Variants in RAD54L2 observed in about 807,000 individuals in gnomAD.
The protein encoded by RAD54L2 is RAD54 like 2, also known as helicase ARIP4.
RAD54L2 carries 27 observed loss-of-function variants against 138.4 expected under a neutral mutation model. That is an observed-to-expected ratio of 0.20 (90% CI 0.14 to 0.27). The LOEUF (loss-of-function observed/expected upper bound fraction) is 0.27. Among genes scored for constraint, RAD54L2 ranks in the 10% least tolerant of loss-of-function variants. The pLI, the probability that RAD54L2 is intolerant of heterozygous loss-of-function variation, is 1.00. For synonymous variants in RAD54L2, 644 were observed against 723.2 expected, an observed-to-expected ratio of 0.89 and a Z score of 1.76; for missense variants, 1,396 against 1,890.2, an observed-to-expected ratio of 0.74 and a Z score of 4.85.
intron 2 of RAD54L2, among the ~76,000 whole-genome samples, chr3:51,590,068 G>A (rs1699807527): frequency 6.6e-6 from 1 of 152,126 alleles, no homozygotes; most frequent in Non-Finnish European, 1.5e-5. Context: ...TTGGCTCACT[G>A]CAACCTCTGC....
chr3:51,643,880 G>C lies in RAD54L2; in HGVS notation c.2356G>C (p.Asp786His). 1 of 1,604,172 alleles carries C rather than the reference G, an allele frequency of 6.2e-7. No individual in the cohort carries two copies. Among genetic ancestry groups the C allele is most frequent in the East Asian group, 2.2e-5 (1 of 44,656 alleles). ...WVRNISYFRL[D>H]GSTPAFERER... ...TGGTTTTCCTTCCTTCCTAGGGCTAGATGGTAGCACCCCTGCCTTTGAGAG... is the reference window on the plus strand; with the variant it reads ...TGGTTTTCCTTCCTTCCTAGGGCTACATGGTAGCACCCCTGCCTTTGAGAG... The change falls in exon 16 of 23, where the codon GAT (aspartate) becomes CAT (histidine). Residue 786 changes from aspartate (D) to histidine (H), a missense_variant. Asp to His is a moderately conservative substitution (Grantham distance 81). Coordinates refer to ENST00000684192, the MANE Select transcript of RAD54L2 (RefSeq NM_015106.4).
chr3:51,663,046 A>G lies in RAD54L2; in HGVS notation c.4030A>G (p.Thr1344Ala), dbSNP rs1180504259. ...TGCCCGCCTGGTGTTTCCAGTGACTACTGACCCTCTGGTGCCAGCAGGCCC... is the reference window on the plus strand; with the variant it reads ...TGCCCGCCTGGTGTTTCCAGTGACTGCTGACCCTCTGGTGCCAGCAGGCCC... The part of the protein sequence containing the change: ...ADARLVFPVT[T>A]DPLVPAGPVS... Residue 1344 changes from threonine (T) to alanine (A), a missense_variant, in exon 23 of 23, where the codon ACT (threonine) becomes GCT (alanine). Around this residue, in one of 7 missense-constraint regions of RAD54L2, gnomAD observed 634 missense variants for 711.2 expected, o/e 0.89. Transcript: ENST00000684192. 8.7e-6 allele frequency: 14 copies of G among 1,613,844 alleles called. No homozygotes were observed. In the East Asian group the frequency reaches 1.6e-4, roughly 18 times the overall value.
intron 3 of RAD54L2, among the ~76,000 whole-genome samples, chr3:51,592,263 A>G (rs1447885815): frequency 6.6e-6 from 1 of 151,594 alleles, no homozygotes; most frequent in Admixed American, 6.6e-5. Context: ...GGATTTCTCT[A>G]TGTTGGTTAG....
intron 3 of RAD54L2, among the ~76,000 whole-genome samples, chr3:51,621,417 A>G (rs1234362841): frequency 3.9e-5 from 6 of 152,218 alleles, no homozygotes; most frequent in South Asian, 2.1e-4. Flanking sequence ...ATTCAGCCTC[A>G]TGTCAGACAG....
At chr3:51,626,933 C>A (rs1397487477) in intron 3 of RAD54L2, among the ~76,000 whole-genome samples, 1 of 152,154 alleles carries the variant, frequency 6.6e-6, no homozygotes, top group Non-Finnish European at 1.5e-5. Flanking sequence ...ATATAGCACA[C>A]CTTGCCATGT....
chr3:51,620,512 A>T (rs1183929645), intron 3 of RAD54L2, among the ~76,000 whole-genome samples: 1 of 134,830 alleles, frequency 7.4e-6, no homozygotes. Context: ...CATCTTTTTT[A>T]TACAATAGGA....
chr3:51,589,190 G>A (rs566938205), intron 2 of RAD54L2, among the ~76,000 whole-genome samples: 2 of 152,256 alleles, frequency 1.3e-5, no homozygotes, highest in South Asian at 2.1e-4. Context: ...CTAACCTACT[G>A]AACATCATAA....
intron 19 of RAD54L2, among the ~76,000 whole-genome samples, chr3:51,654,867 G>A (rs1701556879): frequency 6.6e-6 from 1 of 152,204 alleles, no homozygotes; most frequent in African/African-American, 2.4e-5. Flanking sequence ...ATGGGTACAT[G>A]TGAGGAATAC....
intron 3 of RAD54L2, among the ~76,000 whole-genome samples, chr3:51,592,983 A>G (rs748899130): frequency 1.7e-4 from 26 of 152,204 alleles, no homozygotes; most frequent in Non-Finnish European, 8.8e-5. Context: ...AGTCATGGGC[A>G]GAGCAGCTAG....
intron 2 of RAD54L2, among the ~76,000 whole-genome samples, chr3:51,542,637 G>C (rs1231207834): frequency 1.3e-5 from 2 of 151,980 alleles, no homozygotes; most frequent in Non-Finnish European, 2.9e-5. Context: ...CTAATTTTTT[G>C]TATTTTTAGT....
chr3:51,665,815 T>G lies in RAD54L2; in HGVS notation c.*2395T>G, dbSNP rs1316499407. On this transcript the variant is annotated 3_prime_UTR_variant, in exon 23 of 23. Coordinates refer to ENST00000684192, the MANE Select transcript of RAD54L2 (RefSeq NM_015106.4). Reference sequence around the variant, plus strand: ...ATGCATGTGTGCATGTGTATGTCTGTGTGTGTGTGTTGTCGGGAGAAGGGG... The same window carrying G: ...ATGCATGTGTGCATGTGTATGTCTGGGTGTGTGTGTTGTCGGGAGAAGGGG... 1.3e-5 allele frequency: 2 copies of G among 152,078 alleles called. No individual in the cohort carries two copies. Among genetic ancestry groups the G allele is most frequent in the East Asian group, 3.8e-4 (2 of 5,198 alleles). 9.4% of individuals were successfully genotyped at this position (152,078 alleles called of 1,614,324 possible).
At chr3:51,539,154 T>G (rs1698488672) in intron 1 of RAD54L2, among the ~76,000 whole-genome samples, 1 of 152,028 alleles carries the variant, frequency 6.6e-6, no homozygotes, top group East Asian at 1.9e-4. Context: ...TATTTGAGGA[T>G]TTCGTAGCCG....
chr3:51,641,983 T>G, intron 15 of RAD54L2, 116 bp downstream of exon 15: 3 of 758,136 alleles, frequency 4.0e-6, no homozygotes, highest in Non-Finnish European at 6.6e-6. Context: ...TATTTGTGAT[T>G]AGTCAAGGAG....
At position 51,645,103 on chromosome 3, in the gene RAD54L2, G is replaced by T. The variant is rs1285765524; in HGVS notation, c.2530G>T (p.Ala844Ser). 1.9e-6 allele frequency: 3 copies of T among 1,613,868 alleles called. No individual in the cohort carries two copies. In the East Asian group the frequency reaches 6.7e-5, roughly 36 times the overall value. Residue 844 changes from alanine to serine, a missense_variant, in exon 17 of 23, where the codon GCC becomes TCC. Physicochemically the swap from Ala to Ser is moderately conservative, Grantham distance 99. Coordinates refer to ENST00000684192, the MANE Select transcript of RAD54L2 (RefSeq NM_015106.4). This position sits in a 1 kb window ranked among gnomAD's most constrained non-coding sequence, Gnocchi z 6.1. Reference protein sequence around the residue: ...FDASWNPCHDAQAVCRVYRYG... With the variant: ...FDASWNPCHDSQAVCRVYRYG... ...TGCTTCCTGGAACCCTTGCCATGATGCCCAGGCAGTATGTCGGGTATACCG... is the reference window on the plus strand; with the variant it reads ...TGCTTCCTGGAACCCTTGCCATGATTCCCAGGCAGTATGTCGGGTATACCG...
chr3:51,549,044 G>A (rs1553672979), intron 2 of RAD54L2, among the ~76,000 whole-genome samples: 1 of 152,022 alleles, frequency 6.6e-6, no homozygotes, highest in East Asian at 1.9e-4. Flanking sequence ...CCAGGCTGGA[G>A]TGCAATGGTG....
At chr3:51,569,483 G>A (rs1487256209) in intron 2 of RAD54L2, among the ~76,000 whole-genome samples, 1 of 151,420 alleles carries the variant, frequency 6.6e-6, no homozygotes, top group Non-Finnish European at 1.5e-5. Flanking sequence ...TCCCAGGTTC[G>A]AGCAATTCTT....
chr3:51,611,066 C>T (rs573098497), intron 3 of RAD54L2, among the ~76,000 whole-genome samples: 27 of 151,960 alleles, frequency 1.8e-4, no homozygotes, highest in Non-Finnish European at 3.4e-4. Context: ...CACCTCTGTT[C>T]TCCTATTCAG....
intron 19 of RAD54L2, among the ~76,000 whole-genome samples, chr3:51,652,358 C>T (rs1478172306): frequency 6.6e-6 from 1 of 152,106 alleles, no homozygotes; most frequent in African/African-American, 2.4e-5. Context: ...CCATACTGCC[C>T]AAGGTAATTT....
In RAD54L2 at chr3:51,637,406, C is replaced by T; in HGVS notation, c.1585C>T (p.Leu529=). 1 of 1,613,900 alleles carries T rather than the reference C, an allele frequency of 6.2e-7. No individual in the cohort carries two copies. The highest frequency in any genetic ancestry group is 8.5e-7 in the Non-Finnish European group (1 of 1,179,852). The change falls in exon 11 of 23, where the codon CTG becomes TTG. Residue 529 remains leucine (L), a synonymous_variant. Transcript: ENST00000684192. This position sits in a 1 kb window ranked among gnomAD's most constrained non-coding sequence, Gnocchi z 5.9. ...CAGCAACATGTTTGAACGCCCTATC[C>T]TGAATGGGCAATGTATTGACAGCAC... ...EFSNMFERPI[L]NGQCIDSTPQ...
Sources: allele counts gnomAD v4.1 joint callset (sites outside exome capture counted in the v4.1 genomes callset), GRCh38; gene constraint gnomAD v4.1.1; regional missense constraint gnomAD v4.1.1; non-coding constraint Gnocchi (gnomAD v3.1); transcripts MANE v1.5; gene names NCBI Gene and HGNC (gene_info 2026-07-23, HGNC 2026-07-21).